The following CLPTM1 variants were observed in gnomAD, a reference collection of about 807,000 sequenced individuals.
CLPTM1 encodes the protein CLPTM1 regulator of GABA type A receptor forward trafficking, also known as putative lipid scramblase CLPTM1.
Under a neutral mutation model 77.3 loss-of-function variants are expected in CLPTM1, and 21 were observed. The ratio of observed to expected loss-of-function variants is 0.27; its 90% CI spans 0.19 to 0.39. The LOEUF (loss-of-function observed/expected upper bound fraction) is 0.39, where lower values mean the gene tolerates loss of function less well. CLPTM1 is among the 10% of genes least tolerant of loss of function. CLPTM1 has a pLI of 1.00. For missense variants in CLPTM1, 642 were observed against 921.2 expected (o/e 0.70, Z 3.92); for synonymous variants, 373 against 381.0 (o/e 0.98, Z 0.24).
At chr19:44,979,228 C>T (rs1469832311) in intron 5 of CLPTM1, among the ~76,000 whole-genome samples, 1 of 152,158 alleles carries the variant, frequency 6.6e-6, no homozygotes, top group Non-Finnish European at 1.5e-5. Context: ...GATCGTCTGC[C>T]TCGGCCTCCC....
chr19:44,988,416 C>T (rs1330494219), intron 9 of CLPTM1, among the ~76,000 whole-genome samples: 2 of 152,246 alleles, frequency 1.3e-5, no homozygotes, highest in Non-Finnish European at 1.5e-5. Context: ...GAGGCCAGGC[C>T]AATACTGCCA....
intron 4 of CLPTM1, among the ~76,000 whole-genome samples, chr19:44,975,319 G>A (rs1035526168): frequency 1.3e-5 from 2 of 152,226 alleles, no homozygotes; most frequent in African/African-American, 4.8e-5. Flanking sequence ...GGCTGGGGCT[G>A]CCTAGATCAC....
At chr19:44,974,330 C>T (rs568792279) in intron 3 of CLPTM1, 109 bp from the exon 4 acceptor site, 2 of 1,088,320 alleles carry the variant, frequency 1.8e-6, no homozygotes, top group South Asian at 1.6e-5. Flanking sequence ...CCCCTGTCCT[C>T]CATAATTACT....
rs1351980975 is a variant in CLPTM1 at position 44,992,516 on chromosome 19, C to T, written c.1724-95C>T. ...AGATGGGGTGCTCAGTCTGAGGGGGCTCGGCCCCGCCCTTGCATCACGCCC... is the reference window on the plus strand; with the variant it reads ...AGATGGGGTGCTCAGTCTGAGGGGGTTCGGCCCCGCCCTTGCATCACGCCC... On this transcript the variant is annotated intron_variant, in intron 13 of 13. Transcript: ENST00000337392. This position sits in a 1 kb window ranked among gnomAD's most constrained non-coding sequence, Gnocchi z 7.7. The T allele has an allele frequency of 1.3e-6, 2 of 1,589,028 alleles. No individual in the cohort carries two copies. Among genetic ancestry groups the T allele is most frequent in the Non-Finnish European group, 1.7e-6 (2 of 1,163,132 alleles).
chr19:44,971,867 C>CTTTT (rs10693027), intron 2 of CLPTM1, among the ~76,000 whole-genome samples: 904 of 83,220 alleles, frequency 0.011, 24 homozygotes, highest in Non-Finnish European at 0.014. Context: ...CCCAATTATA[C>CTTTT]TTTTTTTTTT....
intron 1 of CLPTM1, among the ~76,000 whole-genome samples, chr19:44,961,724 G>A (rs1970546165): frequency 6.6e-6 from 1 of 152,140 alleles, no homozygotes; most frequent in Non-Finnish European, 1.5e-5. Context: ...TAAACCCCAG[G>A]AGGACAGCAA....
chr19:44,989,138 C>T (rs753021637), intron 9 of CLPTM1, among the ~76,000 whole-genome samples: 10 of 152,172 alleles, frequency 6.6e-5, no homozygotes, highest in Non-Finnish European at 8.8e-5. Flanking sequence ...TGAACTCCAT[C>T]CTAGGCAACA....
At chr19:44,972,008 C>T (rs1032068609) in intron 2 of CLPTM1, among the ~76,000 whole-genome samples, 1 of 147,876 alleles carries the variant, frequency 6.8e-6, no homozygotes, top group Non-Finnish European at 1.5e-5. Context: ...GTAGATGGGA[C>T]TAGAGGCACG....
intron 5 of CLPTM1, among the ~76,000 whole-genome samples, chr19:44,980,009 G>C (rs574935228): frequency 6.1e-4 from 93 of 152,288 alleles, no homozygotes; most frequent in African/African-American, 2.1e-3. Context: ...TGGTGAGTGT[G>C]ATCCATGTCA....
At chr19:44,970,235 G>A (rs909622018) in intron 2 of CLPTM1, among the ~76,000 whole-genome samples, 1 of 146,856 alleles carries the variant, frequency 6.8e-6, no homozygotes, top group African/African-American at 2.7e-5. Context: ...TCCCACGAGT[G>A]GCCTTGCATA....
intron 5 of CLPTM1, among the ~76,000 whole-genome samples, chr19:44,981,478 C>T (rs1970896631): frequency 6.6e-6 from 1 of 152,046 alleles, no homozygotes; most frequent in South Asian, 2.1e-4. Context: ...CCTGTAGTGT[C>T]CTCCGACTCA....
intron 4 of CLPTM1, among the ~76,000 whole-genome samples, chr19:44,976,007 C>T (rs1970800714): frequency 6.6e-6 from 1 of 152,180 alleles, no homozygotes; most frequent in African/African-American, 2.4e-5. Flanking sequence ...GGACAACAGG[C>T]ATGCACCACC....
intron 2 of CLPTM1, among the ~76,000 whole-genome samples, chr19:44,968,913 C>T (rs954837421): frequency 1.3e-5 from 2 of 152,158 alleles, no homozygotes; most frequent in Admixed American, 6.5e-5. Flanking sequence ...AGCGATGGCT[C>T]AGCTGGACCG....
intron 4 of CLPTM1, among the ~76,000 whole-genome samples, chr19:44,975,989 A>G (rs1313776297): frequency 6.6e-6 from 1 of 152,114 alleles, no homozygotes; most frequent in African/African-American, 2.4e-5. Context: ...CAGCCTCCCA[A>G]GTAGCTGGGA....
At chr19:44,956,500 A>G (rs986291149) in intron 1 of CLPTM1, among the ~76,000 whole-genome samples, 6 of 152,354 alleles carry the variant, frequency 3.9e-5, no homozygotes, top group South Asian at 4.1e-4. Flanking sequence ...TCACTTGGGT[A>G]GGACACATGG....
At chr19:44,974,051 A>G (rs1223577199) in intron 3 of CLPTM1, among the ~76,000 whole-genome samples, 17 of 152,012 alleles carry the variant, frequency 1.1e-4, no homozygotes, top group Admixed American at 1.1e-3. Flanking sequence ...GGCATGAGCC[A>G]CCGTGCCCGG....
At chr19:44,955,089 G>A, upstream of CLPTM1, 1 of 1,535,734 alleles carries the variant, frequency 6.5e-7, no homozygotes, top group South Asian at 1.2e-5. Flanking sequence ...CGAAAAGGCG[G>A]GTTAATGTGA....
rs550990101 is a variant in CLPTM1 at position 44,972,798 on chromosome 19, C to CCTG, written c.186-288_186-287insTGC. On this transcript the variant is annotated intron_variant, in intron 2 of 13. Transcript: ENST00000337392. ...GTCAGCCCCTGCAGCCCTGTGGTCA[C>CCTG]CAGGAGCTCCTGCAGGATTTAGAGT... 2.2e-4 allele frequency among the ~76,000 whole-genome samples: 33 copies of CCTG among 152,066 alleles called. No homozygotes were observed. The South Asian group carries it at 2.9e-3, about 13-fold the overall frequency.
At chr19:44,988,049 G>T in intron 8 of CLPTM1, 31 bp from the exon 9 acceptor site, 16 of 1,533,254 alleles carry the variant, frequency 1.0e-5, no homozygotes, top group Non-Finnish European at 1.4e-5. Flanking sequence ...CCTGGGTGGG[G>T]ACAGGCTGTG....
Sources: allele counts gnomAD v4.1 joint callset (sites outside exome capture counted in the v4.1 genomes callset), GRCh38; gene constraint gnomAD v4.1.1; non-coding constraint Gnocchi (gnomAD v3.1); transcripts MANE v1.5; gene names NCBI Gene and HGNC (gene_info 2026-07-23, HGNC 2026-07-21).